Variants in CTNNA3 observed in about 807,000 individuals in gnomAD.
CTNNA3 encodes the protein catenin alpha 3.
A neutral mutation model predicts 95.7 loss-of-function variants in CTNNA3; 76 were observed. The observed-to-expected ratio is 0.79, with a 90% CI of 0.66 to 0.96. The LOEUF is 0.96. Among genes scored for constraint, CTNNA3 ranks in the 40% least tolerant of loss-of-function variants. CTNNA3 has a pLI of 0.00. For synonymous variants in CTNNA3, 431 were observed against 374.4 expected (o/e 1.15, Z -1.74); for missense variants, 1,191 against 1,089.8 (o/e 1.09, Z -1.31).
At chr10:67,297,044 C>T (rs373966626) in intron 5 of CTNNA3, among the ~76,000 whole-genome samples, 5 of 148,906 alleles carry the variant, frequency 3.4e-5, no homozygotes, top group African/African-American at 1.3e-4. Context: ...AGAGGAAAAA[C>T]CCATATTGTT....
intron 5 of CTNNA3, among the ~76,000 whole-genome samples, chr10:67,429,844 T>A (rs1381599799): frequency 6.6e-6 from 1 of 151,870 alleles, no homozygotes; most frequent in Non-Finnish European, 1.5e-5. Context: ...TAAGTAAGCA[T>A]ACCAATTTGG....
chr10:67,267,152 A>G (rs1204711631), intron 5 of CTNNA3, among the ~76,000 whole-genome samples: 5 of 152,174 alleles, frequency 3.3e-5, no homozygotes, highest in African/African-American at 1.2e-4. Flanking sequence ...TTAAAACACA[A>G]ACAATTCTTA....
intron 5 of CTNNA3, among the ~76,000 whole-genome samples, chr10:67,505,857 A>C (rs1358513542): frequency 6.6e-6 from 1 of 152,208 alleles, no homozygotes; most frequent in Non-Finnish European, 1.5e-5. Context: ...GTGCTATACT[A>C]ATATGAGCAG....
intron 11 of CTNNA3, among the ~76,000 whole-genome samples, chr10:66,427,021 T>C (rs2093248417): frequency 6.6e-6 from 1 of 152,098 alleles, no homozygotes; most frequent in Non-Finnish European, 1.5e-5. Context: ...TTAATTTCTT[T>C]AAATTTTAGC....
At chr10:67,611,823 CT>C (rs1464550922) in intron 2 of CTNNA3, among the ~76,000 whole-genome samples, 1 of 152,180 alleles carries the variant, frequency 6.6e-6, no homozygotes, top group African/African-American at 2.4e-5. Flanking sequence ...TTCAGGGCTA[CT>C]TTTGCTCCCT....
intron 15 of CTNNA3, among the ~76,000 whole-genome samples, chr10:66,035,533 G>C (rs963074117): frequency 8.5e-6 from 1 of 118,024 alleles, no homozygotes; most frequent in Non-Finnish European, 1.8e-5. Context: ...GAGGGAATGA[G>C]GGTATTTTTT....
intron 10 of CTNNA3, among the ~76,000 whole-genome samples, chr10:66,567,086 TG>T (rs1414238584): frequency 1.1e-4 from 4 of 34,934 alleles, no homozygotes; most frequent in African/African-American, 4.6e-4. Context: ...GAGGGAGGAG[TG>T]GGGAGGGGTT....
chr10:67,711,561 C>A (rs1490714437), intron 1 of CTNNA3, among the ~76,000 whole-genome samples: 1 of 140,300 alleles, frequency 7.1e-6, no homozygotes, highest in Non-Finnish European at 1.5e-5. Context: ...GGGTATCTGG[C>A]AGAAGAAATT....
chr10:66,735,186 C>T (rs1296585766), intron 9 of CTNNA3, among the ~76,000 whole-genome samples: 1 of 151,418 alleles, frequency 6.6e-6, no homozygotes, highest in African/African-American at 2.4e-5. Flanking sequence ...TAATTATTAC[C>T]TTTTTGTTAT....
intron 7 of CTNNA3, among the ~76,000 whole-genome samples, chr10:66,793,654 A>G (rs1002824284): frequency 6.6e-6 from 1 of 152,166 alleles, no homozygotes; most frequent in Non-Finnish European, 1.5e-5. Flanking sequence ...CAATGTTTTC[A>G]TAAGTGGTGG....
At chr10:67,143,425 T>TAAAAAAAAAAAAAAAAAACAAAAAAA (rs1860687995) in intron 7 of CTNNA3, among the ~76,000 whole-genome samples, 1 of 76,006 alleles carries the variant, frequency 1.3e-5, no homozygotes, top group African/African-American at 4.9e-5. Context: ...GGCTCTGTCT[T>TAAAAAAAAAAAAAAAAAACAAAAAAA]AAAAAAAAAA....
intron 13 of CTNNA3, among the ~76,000 whole-genome samples, chr10:66,123,829 G>T (rs992885213): frequency 2.0e-5 from 3 of 152,132 alleles, no homozygotes; most frequent in African/African-American, 7.2e-5. Flanking sequence ...CTTTATTCAT[G>T]GCTGGAGCAG....
At chr10:67,541,381 TAAAG>T (rs1314130401) in intron 3 of CTNNA3, among the ~76,000 whole-genome samples, 4 of 151,972 alleles carry the variant, frequency 2.6e-5, no homozygotes, top group African/African-American at 9.7e-5. Flanking sequence ...TTAAATAAAA[TAAAG>T]AATACTGTTT....
intron 9 of CTNNA3, among the ~76,000 whole-genome samples, chr10:66,653,036 G>A (rs1433893206): frequency 6.6e-6 from 1 of 151,970 alleles, no homozygotes; most frequent in Non-Finnish European, 1.5e-5. Context: ...TATCATACTG[G>A]ATGCCTCTAA....
intron 9 of CTNNA3, among the ~76,000 whole-genome samples, chr10:66,634,368 G>A (rs980355780): frequency 6.6e-6 from 1 of 152,022 alleles, no homozygotes; most frequent in Non-Finnish European, 1.5e-5. Flanking sequence ...CTCATATGCT[G>A]TTATATTTAA....
chr10:66,866,291 T>C (rs1207793382), intron 7 of CTNNA3, among the ~76,000 whole-genome samples: 3 of 152,192 alleles, frequency 2.0e-5, no homozygotes, highest in Non-Finnish European at 4.4e-5. Context: ...TTTTCAATGA[T>C]CTGCTTTTGT....
At chr10:66,462,190 C>T (rs2093534480) in intron 11 of CTNNA3, among the ~76,000 whole-genome samples, 1 of 151,940 alleles carries the variant, frequency 6.6e-6, no homozygotes, top group Non-Finnish European at 1.5e-5. Flanking sequence ...ACCTTTTTAT[C>T]CCTCAGAAAA....
intron 7 of CTNNA3, among the ~76,000 whole-genome samples, chr10:67,079,645 C>T (rs1365160826): frequency 2.6e-5 from 4 of 151,988 alleles, no homozygotes; most frequent in Non-Finnish European, 5.9e-5. Flanking sequence ...GTCAGGAGTT[C>T]AAGACCAGCC....
At chr10:67,471,490 G>T (rs189179143) in intron 5 of CTNNA3, among the ~76,000 whole-genome samples, 37 of 152,286 alleles carry the variant, frequency 2.4e-4, no homozygotes, top group African/African-American at 8.9e-4. Flanking sequence ...TTACTTTACG[G>T]ATTCAGTAAT....
Sources: allele counts gnomAD v4.1 joint callset (sites outside exome capture counted in the v4.1 genomes callset), GRCh38; gene constraint gnomAD v4.1.1; transcripts MANE v1.5; gene names NCBI Gene and HGNC (gene_info 2026-07-23, HGNC 2026-07-21).